MMP24: variants seen among roughly 807,000 people sequenced by gnomAD.
The protein encoded by MMP24 is matrix metallopeptidase 24.
A neutral mutation model predicts 62.8 loss-of-function variants in MMP24; 25 were observed. The observed-to-expected ratio is 0.40, with a 90% CI of 0.29 to 0.56. MMP24 has a LOEUF of 0.56. Ranked by LOEUF, MMP24 falls within the 20% of genes least tolerant of loss-of-function variation. The probability of loss-of-function intolerance (pLI) is 0.50; values close to 1 mark genes in which losing one functional copy is unlikely to be tolerated. For missense variants in MMP24, 634 were observed against 853.6 expected, an observed-to-expected ratio of 0.74 and a Z score of 3.21; for synonymous variants, 319 against 350.5, an observed-to-expected ratio of 0.91 and a Z score of 1.00.
At chr20:35,253,542 C>T (rs898147520) in intron 3 of MMP24, among the ~76,000 whole-genome samples, 3 of 152,092 alleles carry the variant, frequency 2.0e-5, no homozygotes, top group Non-Finnish European at 4.4e-5. Context: ...GCTTCAGTTT[C>T]CTTACGTGTG....
chr20:35,269,704 T>C lies in MMP24; in HGVS notation c.1195-56T>C. The C allele has an allele frequency of 6.5e-7, 1 of 1,544,858 alleles. No homozygotes were observed. Among genetic ancestry groups the C allele is most frequent in the Non-Finnish European group, 8.7e-7 (1 of 1,143,852 alleles). ...ACCTAAGCCCCACAGCTGCAATCACTGGGTTCGGAGGCAGGGCCTGACACA... is the reference window on the plus strand; with the variant it reads ...ACCTAAGCCCCACAGCTGCAATCACCGGGTTCGGAGGCAGGGCCTGACACA... On this transcript the variant is annotated intron_variant, in intron 6 of 8. Coordinates refer to ENST00000246186, the MANE Select transcript of MMP24 (RefSeq NM_006690.4). The surrounding 1 kb of genome is among the most constrained non-coding windows in gnomAD (Gnocchi z 4.6).
intron 8 of MMP24, among the ~76,000 whole-genome samples, chr20:35,272,884 A>G (rs1287609170): frequency 1.3e-5 from 2 of 152,236 alleles, no homozygotes; most frequent in Non-Finnish European, 1.5e-5. Context: ...AGGATTAAAG[A>G]AGACAAATTA....
chr20:35,268,413 C>T (rs1013887380), intron 6 of MMP24, among the ~76,000 whole-genome samples: 3 of 152,200 alleles, frequency 2.0e-5, no homozygotes, highest in Admixed American at 1.3e-4. Flanking sequence ...GGAGTTCTCC[C>T]AGCACGCACT....
chr20:35,254,069 A>G (rs2097365287), intron 3 of MMP24, among the ~76,000 whole-genome samples: 1 of 152,136 alleles, frequency 6.6e-6, no homozygotes, highest in African/African-American at 2.4e-5. Context: ...GGGTTTCACC[A>G]TGTTGGTCAG....
At chr20:35,259,009 C>T (rs908386484) in intron 4 of MMP24, among the ~76,000 whole-genome samples, 3 of 151,888 alleles carry the variant, frequency 2.0e-5, no homozygotes, top group Admixed American at 6.6e-5. Context: ...GGCAAAACCC[C>T]GTCTCTACTA....
rs1410519112 is a variant in MMP24 at position 35,263,909 on chromosome 20, C to A, written c.936C>A (p.Phe312Leu). ...ACCAGTACATGGAGACGCACAACTT[C>A]AAGCTGCCCCAGGACGATCTCCAGG... ...PFYQYMETHN[F>L]KLPQDDLQGI... Residue 312 changes from phenylalanine (F) to leucine (L), a missense_variant, in exon 5 of 9, where the codon TTC becomes TTA. By Grantham distance (22) the Phe-to-Leu change is conservative. Transcript: ENST00000246186. The A allele has an allele frequency of 6.2e-7, 1 of 1,612,688 alleles. No individual in the cohort carries two copies. The highest frequency in any genetic ancestry group is 8.5e-7 in the Non-Finnish European group (1 of 1,179,378).
chr20:35,259,756 TAG>T (rs955203123), intron 4 of MMP24, among the ~76,000 whole-genome samples: 1 of 151,860 alleles, frequency 6.6e-6, no homozygotes, highest in African/African-American at 2.4e-5. Context: ...AGTAGCCGAG[TAG>T]ACTGCTGGGG....
chr20:35,234,499 T>C (rs931327410), intron 1 of MMP24, among the ~76,000 whole-genome samples: 3 of 152,292 alleles, frequency 2.0e-5, no homozygotes, highest in South Asian at 2.1e-4. Context: ...TGGGAGCACA[T>C]AGAAAGTCCA....
chr20:35,243,969 G>C (rs1166967172), intron 1 of MMP24, among the ~76,000 whole-genome samples: 1 of 152,152 alleles, frequency 6.6e-6, no homozygotes, highest in African/African-American at 2.4e-5. Flanking sequence ...ACTTTATTGT[G>C]TATGTTTCAA....
intron 3 of MMP24, 107 bp downstream of exon 3, chr20:35,252,128 C>A: frequency 2.2e-6 from 2 of 914,926 alleles, no homozygotes; most frequent in Non-Finnish European, 3.5e-6. Context: ...GGGGATCAGG[C>A]TTACAACATA....
At chr20:35,238,571 G>C (rs946156097) in intron 1 of MMP24, among the ~76,000 whole-genome samples, 5 of 152,138 alleles carry the variant, frequency 3.3e-5, no homozygotes, top group Non-Finnish European at 5.9e-5. Context: ...GATAAAAGGG[G>C]TTGCAGAGGG....
intron 2 of MMP24, among the ~76,000 whole-genome samples, chr20:35,247,550 G>A (rs1568613176): frequency 6.6e-6 from 1 of 152,182 alleles, no homozygotes; most frequent in Non-Finnish European, 1.5e-5. Context: ...GTAACACTTA[G>A]GAGGTAGAAA....
intron 1 of MMP24, 60 bp from the exon 2 acceptor site, chr20:35,246,780 C>T: frequency 6.3e-7 from 1 of 1,585,716 alleles, no homozygotes; most frequent in Non-Finnish European, 8.7e-7. Context: ...CACATCTCTG[C>T]CCAGGTAGAA....
At position 35,253,270 on chromosome 20, in the gene MMP24, C is replaced by CTTTTTTTTTTTTTTTTTT. The variant is rs34474017; in HGVS notation, c.513-1174_513-1157dup. On this transcript the variant is annotated intron_variant, in intron 3 of 8. Coordinates refer to ENST00000246186, the MANE Select transcript of MMP24 (RefSeq NM_006690.4). ...GACAAGCACTCCCTACAGAACGGGA[C>CTTTTTTTTTTTTTTTTTT]TTTTTTTTTTTTTTTTTTTTTTTCA... 1.3e-4 allele frequency among the ~76,000 whole-genome samples: 10 copies of CTTTTTTTTTTTTTTTTTT among 79,050 alleles called. 2 individuals carry two copies. Among genetic ancestry groups the CTTTTTTTTTTTTTTTTTT allele is most frequent in the African/African-American group, 4.1e-4 (7 of 17,180 alleles). The allele number at this position is 79,050 out of a possible 152,430, so 51.9% of individuals were successfully genotyped here.
rs1391376008 is a variant in MMP24, at chr20:35,269,898, G to A, written c.1333G>A (p.Gly445Ser). The A allele has an allele frequency of 2.6e-6, 4 of 1,551,758 alleles. No individual in the cohort carries two copies. Among genetic ancestry groups the A allele is most frequent in the Non-Finnish European group, 3.5e-6 (4 of 1,147,040 alleles). ...CGATGGGAGATTTGTCTTCTTCAAA[G>A]GTAATGTAGACTGTGCTGTGGGACA... ...RADGRFVFFK[G>S]DKYWVFKEVT... Residue 445 changes from glycine to serine, a missense_variant and splice_region_variant, in exon 7 of 9, where the codon GGT becomes AGT. Gly to Ser is a moderately conservative substitution (Grantham distance 56, BLOSUM62 0). Around this residue, in one of 3 missense-constraint regions of MMP24, gnomAD observed 399 missense variants for 530.8 expected, o/e 0.75. Coordinates refer to ENST00000246186, the MANE Select transcript of MMP24 (RefSeq NM_006690.4). The surrounding 1 kb of genome is among the most constrained non-coding windows in gnomAD (Gnocchi z 4.6).
Position 35,274,295 on chromosome 20 carries a change from C to G in MMP24, c.1624C>G (p.Arg542Gly). The change falls in exon 9 of 9, where the codon CGG (arginine) becomes GGG (glycine). Residue 542 changes from arginine (R) to glycine (G), a missense_variant. Arg to Gly is a moderately radical substitution (Grantham distance 125). This residue lies in a region of MMP24 where 399 missense variants were observed against 530.8 expected (regional missense o/e 0.75). Coordinates refer to ENST00000246186, the MANE Select transcript of MMP24 (RefSeq NM_006690.4). The surrounding 1 kb of genome is among the most constrained non-coding windows in gnomAD (Gnocchi z 5.1). ...EGYYTYFYKG[R>G]DYWKFDNQKL... ...AGATTACACCTATTTCTACAAGGGCCGGGACTACTGGAAGTTTGACAACCA... is the reference window on the plus strand; with the variant it reads ...AGATTACACCTATTTCTACAAGGGCGGGGACTACTGGAAGTTTGACAACCA... The G allele has an allele frequency of 3.7e-6, 6 of 1,612,074 alleles. No homozygotes were observed. The highest frequency in any genetic ancestry group is 5.1e-6 in the Non-Finnish European group (6 of 1,179,580).
intron 7 of MMP24, among the ~76,000 whole-genome samples, chr20:35,270,969 A>C (rs6058218): frequency 6.6e-6 from 1 of 151,952 alleles, no homozygotes; most frequent in African/African-American, 2.4e-5. Flanking sequence ...GAACCCAGGA[A>C]GTGGAGGTTG....
chr20:35,245,825 G>T (rs1411049326), intron 1 of MMP24, among the ~76,000 whole-genome samples: 1 of 144,536 alleles, frequency 6.9e-6, no homozygotes, highest in Non-Finnish European at 1.5e-5. Flanking sequence ...AAAAAAAAAA[G>T]AATAAGTTGC....
Position 35,267,329 on chromosome 20 carries a change from C to T in MMP24, c.1104C>T (p.Asp368=), listed in dbSNP as rs1391597993. ...QPRPPRPPLG[D]RPSTPGTKPN... is the part of the protein sequence containing the mutation. ...GGCCCCCTCGGCCGCCCCTCGGGGA[C>T]CGGCCATCCACACCAGGCACCAAAC... is the stretch of plus-strand genomic sequence containing the variant. Residue 368 remains aspartate (D), a synonymous_variant, in exon 6 of 9, where the codon GAC becomes GAT. Coordinates refer to ENST00000246186, the MANE Select transcript of MMP24 (RefSeq NM_006690.4). 1.3e-6 allele frequency: 2 copies of T among 1,588,700 alleles called. No individual in the cohort carries two copies. Among genetic ancestry groups the T allele is most frequent in the East Asian group, 2.3e-5 (1 of 43,306 alleles).
Sources: gnomAD v4.1 joint callset for allele counts (sites outside exome capture counted in the v4.1 genomes callset) on GRCh38, gnomAD v4.1.1 for gene constraint, gnomAD v4.1.1 regional missense constraint, Gnocchi (gnomAD v3.1) non-coding constraint, MANE v1.5 for transcripts, NCBI Gene and HGNC (gene_info 2026-07-23, HGNC 2026-07-21) for gene names.